The following ARAP2 variants were observed in gnomAD, a reference collection of about 807,000 sequenced individuals.
ARAP2 encodes the protein arf-GAP with Rho-GAP domain, ANK repeat and PH domain-containing protein 2.
Under a neutral mutation model 194.5 loss-of-function variants are expected in ARAP2, and 148 were observed. That is an observed-to-expected ratio of 0.76 (90% confidence interval 0.67 to 0.87). ARAP2 has a LOEUF of 0.87. Ranked by LOEUF, ARAP2 falls within the 40% of genes least tolerant of loss-of-function variation. The pLI, the probability that ARAP2 is intolerant of heterozygous loss-of-function variation, is 0.00. For synonymous variants in ARAP2, 695 were observed against 683.5 expected, an observed-to-expected ratio of 1.02 and a Z score of -0.26; for missense variants, 2,128 against 1,989.7, an observed-to-expected ratio of 1.07 and a Z score of -1.32.
chr4:36,103,593 T>G (rs920827162), intron 27 of ARAP2, among the ~76,000 whole-genome samples: 1 of 151,770 alleles, frequency 6.6e-6, no homozygotes, highest in Non-Finnish European at 1.5e-5. Context: ...TTGAGGACTA[T>G]TACCTTTGTT....
chr4:36,035,843 C>T (rs977515422), intron 5 of ARAP2, among the ~76,000 whole-genome samples: 6 of 152,100 alleles, frequency 3.9e-5, no homozygotes, highest in South Asian at 4.1e-4. Context: ...GTTGTCAAAA[C>T]GTTTTTCCAT....
At chr4:36,116,614 G>A (rs947560945) in intron 25 of ARAP2, among the ~76,000 whole-genome samples, 1 of 151,812 alleles carries the variant, frequency 6.6e-6, no homozygotes, top group African/African-American at 2.4e-5. Flanking sequence ...AACAGCACTA[G>A]TAGTAATAGT....
At chr4:36,135,684 T>C (rs1560504674) in intron 19 of ARAP2, among the ~76,000 whole-genome samples, 1 of 151,770 alleles carries the variant, frequency 6.6e-6, no homozygotes, top group Non-Finnish European at 1.5e-5. Flanking sequence ...ACTCAGATAA[T>C]TTTTTGAGAA....
At chr4:36,005,525 C>T (rs1311377780) in intron 10 of ARAP2, 1 of 152,050 alleles carries the variant, frequency 6.6e-6, no homozygotes, top group Non-Finnish European at 1.5e-5. Flanking sequence ...ATGTACAATA[C>T]ACCTAAATAG....
intron 27 of ARAP2, among the ~76,000 whole-genome samples, chr4:36,097,050 C>A (rs113910648): frequency 3.0e-4 from 45 of 152,180 alleles, no homozygotes; most frequent in Admixed American, 5.9e-4. Flanking sequence ...AATTAATAAA[C>A]CTTTCCATTT....
chr4:36,105,200 A>G (rs1053459230), intron 27 of ARAP2, among the ~76,000 whole-genome samples: 4 of 151,880 alleles, frequency 2.6e-5, no homozygotes, highest in African/African-American at 9.7e-5. Context: ...AGCACCTATA[A>G]TACCAGCTAC....
At chr4:36,014,294 AAAG>A (rs1225381362) in intron 8 of ARAP2, among the ~76,000 whole-genome samples, 2 of 137,434 alleles carry the variant, frequency 1.5e-5, no homozygotes, top group South Asian at 2.3e-4. Context: ...AGAAAGAAAG[AAAG>A]AAGAGAAGGA....
At chr4:36,106,848 T>G (rs1040312654) in intron 27 of ARAP2, among the ~76,000 whole-genome samples, 1 of 151,984 alleles carries the variant, frequency 6.6e-6, no homozygotes, top group African/African-American at 2.4e-5. Flanking sequence ...ATGGTTATTA[T>G]TTATATTAAT....
intron 7 of ARAP2, among the ~76,000 whole-genome samples, chr4:36,192,643 C>T (rs578135846): frequency 1.1e-4 from 17 of 152,182 alleles, no homozygotes; most frequent in East Asian, 3.9e-4. Context: ...ACCTAGGCAA[C>T]GAATTGTCTT....
intron 9 of ARAP2, among the ~76,000 whole-genome samples, chr4:36,007,623 T>A (rs901247360): frequency 6.6e-6 from 1 of 152,168 alleles, no homozygotes; most frequent in African/African-American, 2.4e-5. Context: ...CCATCAAATT[T>A]GAAGATGTTT....
intron 1 of ARAP2, among the ~76,000 whole-genome samples, chr4:36,238,093 T>C (rs1047706128): frequency 6.6e-6 from 1 of 152,200 alleles, no homozygotes; most frequent in Non-Finnish European, 1.5e-5. Context: ...TCCATTCACT[T>C]ACCTTAGTGT....
At chr4:36,136,000 C>CT (rs1253980578) in intron 19 of ARAP2, among the ~76,000 whole-genome samples, 1 of 151,702 alleles carries the variant, frequency 6.6e-6, no homozygotes, top group Admixed American at 6.6e-5. Context: ...GTTGAGCTGT[C>CT]TCCTCATGAA....
chr4:36,080,611 C>T (rs1729310760), intron 30 of ARAP2, among the ~76,000 whole-genome samples: 1 of 152,116 alleles, frequency 6.6e-6, no homozygotes, highest in African/African-American at 2.4e-5. Context: ...CACTGTATTC[C>T]ACTAAAATTC....
intron 2 of ARAP2, among the ~76,000 whole-genome samples, chr4:36,216,290 C>T (rs550821988): frequency 6.6e-6 from 1 of 152,056 alleles, no homozygotes; most frequent in African/African-American, 2.4e-5. Flanking sequence ...TGGAAAAATG[C>T]AAATAGTTGT....
intron 9 of ARAP2, among the ~76,000 whole-genome samples, chr4:36,007,844 G>A (rs1398568889): frequency 3.3e-5 from 5 of 152,042 alleles, no homozygotes. Context: ...GCAGATCAAA[G>A]TTCCTGGATG....
intron 5 of ARAP2, among the ~76,000 whole-genome samples, chr4:36,212,076 T>C (rs889637735): frequency 8.6e-5 from 13 of 151,860 alleles, no homozygotes; most frequent in African/African-American, 3.1e-4. Context: ...ACTGCCCTTT[T>C]CTCCTTTTTA....
chr4:36,118,069 G>GA (rs1362269210), intron 24 of ARAP2, among the ~76,000 whole-genome samples: 2 of 151,274 alleles, frequency 1.3e-5, no homozygotes, highest in South Asian at 2.1e-4. Flanking sequence ...AACTTGTGGG[G>GA]AAAAAAATTT....
chr4:36,057,440 A>C (rs1162617827), intron 2 of ARAP2, among the ~76,000 whole-genome samples: 1 of 151,356 alleles, frequency 6.6e-6, no homozygotes, highest in Non-Finnish European at 1.5e-5. Flanking sequence ...ACTGTTGGTC[A>C]TTTTCTCCTC....
chr4:36,008,531 CAA>C (rs1560253732), intron 9 of ARAP2, among the ~76,000 whole-genome samples: 2 of 151,948 alleles, frequency 1.3e-5, no homozygotes, highest in Non-Finnish European at 2.9e-5. Flanking sequence ...CCACCATACA[CAA>C]AAAATTAACC....
Sources: gnomAD v4.1 joint callset for allele counts (sites outside exome capture counted in the v4.1 genomes callset) on GRCh38, gnomAD v4.1.1 for gene constraint, MANE v1.5 for transcripts, NCBI Gene and HGNC (gene_info 2026-07-23, HGNC 2026-07-21) for gene names.